The following EML5 variants were observed in gnomAD, a reference collection of about 807,000 sequenced individuals.
EML5 encodes echinoderm microtubule-associated protein-like 5.
EML5 carries 120 observed loss-of-function variants against 250.0 expected under a neutral mutation model. That is an observed-to-expected ratio of 0.48 (90% CI 0.41 to 0.56). The LOEUF is 0.56. Ranked by LOEUF, EML5 falls within the 20% of genes least tolerant of loss-of-function variation. EML5 has a pLI of 0.00. For synonymous variants in EML5, 771 were observed against 806.5 expected (o/e 0.96, Z 0.75); for missense variants, 2,006 against 2,437.6 (o/e 0.82, Z 3.73).
At chr14:88,787,437 T>C (rs1313088656) in intron 1 of EML5, among the ~76,000 whole-genome samples, 1 of 152,230 alleles carries the variant, frequency 6.6e-6, no homozygotes, top group African/African-American at 2.4e-5. Flanking sequence ...TTCCTTAATG[T>C]ATATCCAAAA....
chr14:88,719,616 T>C (rs992518493), intron 8 of EML5, among the ~76,000 whole-genome samples: 5 of 152,110 alleles, frequency 3.3e-5, no homozygotes, highest in African/African-American at 9.7e-5. Flanking sequence ...CATATGTGTA[T>C]ATATAATTTT....
intron 8 of EML5, among the ~76,000 whole-genome samples, chr14:88,725,469 A>G (rs2093653255): frequency 6.6e-6 from 1 of 152,174 alleles, no homozygotes; most frequent in African/African-American, 2.4e-5. Context: ...AGTTAGAATT[A>G]GTGAATAAGT....
At chr14:88,621,946 T>G in intron 37 of EML5, 1 of 452,368 alleles carries the variant, frequency 2.2e-6, no homozygotes, top group Non-Finnish European at 4.4e-6. Flanking sequence ...ATAGTCATCC[T>G]ACAGTACTAC....
intron 24 of EML5, among the ~76,000 whole-genome samples, chr14:88,662,109 G>C (rs2092121963): frequency 6.6e-6 from 1 of 151,842 alleles, no homozygotes; most frequent in Non-Finnish European, 1.5e-5. Context: ...AACCGTTTCT[G>C]ACTTTAGGAT....
Position 88,695,432 on chromosome 14 carries a change from T to G in EML5, c.2367A>C (p.Ser789=). ...CAGTATGGCTATCATCTATGCCAAC[T>G]GATGCCAAACGTTTCCCATCCGCTG... is the stretch of plus-strand genomic sequence containing the variant. ...DFSADGKRLA[S]VGIDDSHTVV... is the part of the protein sequence containing the mutation. Residue 789 remains serine, a synonymous_variant, in exon 16 of 44, where the codon TCA becomes TCC. Coordinates refer to ENST00000554922, the MANE Select transcript of EML5 (RefSeq NM_183387.3). 6.2e-7 allele frequency: 1 copy of G among 1,612,542 alleles called. No individual in the cohort carries two copies. The highest frequency in any genetic ancestry group is 8.5e-7 in the Non-Finnish European group (1 of 1,179,314).
intron 1 of EML5, among the ~76,000 whole-genome samples, chr14:88,768,561 C>T (rs528012956): frequency 6.6e-6 from 1 of 152,160 alleles, no homozygotes; most frequent in South Asian, 2.1e-4. Context: ...CAGGTGCCCG[C>T]CTCCACACCT....
At chr14:88,723,168 T>C (rs10133418) in intron 8 of EML5, among the ~76,000 whole-genome samples, 25,823 of 152,116 alleles carry the variant, frequency 0.17, 2,886 homozygotes, top group African/African-American at 0.31. Context: ...ATCCCAGCAC[T>C]TTCAGCAGCT....
intron 1 of EML5, among the ~76,000 whole-genome samples, chr14:88,775,729 A>G (rs2094440808): frequency 6.6e-6 from 1 of 152,160 alleles, no homozygotes. Context: ...CGGCTTTACC[A>G]CCTGAGTGTA....
intron 9 of EML5, among the ~76,000 whole-genome samples, chr14:88,713,225 C>G (rs762128225): frequency 6.6e-6 from 1 of 151,908 alleles, no homozygotes; most frequent in Non-Finnish European, 1.5e-5. Flanking sequence ...AACTCCATCT[C>G]TACTAAAAAT....
intron 2 of EML5, among the ~76,000 whole-genome samples, chr14:88,752,374 A>T (rs769426693): frequency 6.6e-6 from 1 of 152,210 alleles, no homozygotes; most frequent in African/African-American, 2.4e-5. Context: ...TTTGTTTTAT[A>T]ACATTTTATG....
At chr14:88,653,036 T>G (rs1191767188) in intron 27 of EML5, among the ~76,000 whole-genome samples, 5 of 152,204 alleles carry the variant, frequency 3.3e-5, no homozygotes, top group Admixed American at 6.5e-5. Context: ...GTTGTATTCC[T>G]AGGTATTTTA....
At chr14:88,764,056 G>A (rs2094287621) in intron 1 of EML5, among the ~76,000 whole-genome samples, 1 of 152,186 alleles carries the variant, frequency 6.6e-6, no homozygotes, top group African/African-American at 2.4e-5. Flanking sequence ...ATTTTTAAAT[G>A]TTGAACCAGC....
At chr14:88,660,046 C>A (rs188885505) in intron 25 of EML5, among the ~76,000 whole-genome samples, 19 of 151,980 alleles carry the variant, frequency 1.3e-4, no homozygotes, top group Non-Finnish European at 2.5e-4. Context: ...GATGCCGAGG[C>A]AGGAGGATCA....
rs544662851 is a variant in EML5 at position 88,668,248 on chromosome 14, C to T, written c.3125-2759G>A. Among the ~76,000 whole-genome samples, 10 of 152,236 alleles carry T rather than the reference C, an allele frequency of 6.6e-5. No homozygotes were observed. In the South Asian group the frequency reaches 2.1e-3, roughly 32 times the overall value. ...CATCTTCTGACTGGACAGTGACCGA[C>T]TGAATCTAAAGTGTGAGTGTACATA... On this transcript the variant is annotated intron_variant, in intron 21 of 43. Coordinates refer to ENST00000554922, the MANE Select transcript of EML5 (RefSeq NM_183387.3).
At chr14:88,722,776 A>T (rs934538537) in intron 8 of EML5, among the ~76,000 whole-genome samples, 3 of 152,148 alleles carry the variant, frequency 2.0e-5, no homozygotes, top group Non-Finnish European at 2.9e-5. Context: ...ATAAAAAAAA[A>T]TTTGCAACCC....
intron 34 of EML5, 125 bp from the exon 35 acceptor site, chr14:88,627,171 C>T (rs1427908963): frequency 3.6e-6 from 3 of 831,242 alleles, no homozygotes; most frequent in Non-Finnish European, 5.8e-6. Context: ...ATGGCCCCTG[C>T]TCTACTACCT....
intron 28 of EML5, among the ~76,000 whole-genome samples, chr14:88,647,851 T>C (rs1163531445): frequency 6.6e-6 from 1 of 152,168 alleles, no homozygotes; most frequent in Non-Finnish European, 1.5e-5. Flanking sequence ...ATCTGAATTT[T>C]AAACAAAACA....
At chr14:88,789,904 TG>T (rs1321280939) in intron 1 of EML5, among the ~76,000 whole-genome samples, 2 of 152,206 alleles carry the variant, frequency 1.3e-5, no homozygotes, top group African/African-American at 4.8e-5. Flanking sequence ...CAGGCAAAGG[TG>T]GAAACAAAAC....
At chr14:88,771,257 C>T (rs1365905158) in intron 1 of EML5, among the ~76,000 whole-genome samples, 1 of 152,218 alleles carries the variant, frequency 6.6e-6, no homozygotes, top group Non-Finnish European at 1.5e-5. Context: ...CAACCTCTGC[C>T]TTGCAGCAGA....
Sources: allele counts gnomAD v4.1 joint callset (sites outside exome capture counted in the v4.1 genomes callset), GRCh38; gene constraint gnomAD v4.1.1; transcripts MANE v1.5; gene names NCBI Gene and HGNC (gene_info 2026-07-23, HGNC 2026-07-21).